The following HECW2 variants were observed in gnomAD, a reference collection of about 807,000 sequenced individuals.
HECW2 encodes HECT, C2 and WW domain containing E3 ubiquitin protein ligase 2, also known as E3 ubiquitin-protein ligase HECW2.
A neutral mutation model predicts 175.2 loss-of-function variants in HECW2; 61 were observed. The observed-to-expected ratio is 0.35, with a 90% confidence interval of 0.28 to 0.43. The LOEUF (loss-of-function observed/expected upper bound fraction) is 0.43. Among genes scored for constraint, HECW2 ranks in the 20% least tolerant of loss-of-function variants. The pLI is 1.00. For synonymous variants in HECW2, 671 were observed against 731.0 expected (o/e 0.92, Z 1.32); for missense variants, 1,524 against 2,000.5 (o/e 0.76, Z 4.54).
intron 1 of HECW2, among the ~76,000 whole-genome samples, chr2:196,549,796 G>T (rs1237582388): frequency 6.6e-6 from 1 of 152,058 alleles, no homozygotes; most frequent in Non-Finnish European, 1.5e-5. Context: ...TAGAAAAACT[G>T]AAAAAGAAAT....
chr2:196,206,101 G>T (rs1437678861), intron 28 of HECW2, among the ~76,000 whole-genome samples: 1 of 152,176 alleles, frequency 6.6e-6, no homozygotes, highest in Admixed American at 6.5e-5. Flanking sequence ...GAAAATAACA[G>T]GAGGGCCCTG....
At chr2:196,532,533 C>T (rs961723653) in intron 1 of HECW2, among the ~76,000 whole-genome samples, 2 of 151,896 alleles carry the variant, frequency 1.3e-5, no homozygotes, top group Non-Finnish European at 2.9e-5. Flanking sequence ...ATGTAGGTGA[C>T]GGGTTGATGG....
intron 17 of HECW2, chr2:196,260,255 G>A (rs1689234241): frequency 2.6e-5 from 4 of 152,184 alleles, no homozygotes; most frequent in Admixed American, 2.6e-4. Flanking sequence ...GAACATATGA[G>A]AGGCAGGCTG....
At chr2:196,520,299 G>C (rs895028581) in intron 1 of HECW2, among the ~76,000 whole-genome samples, 2 of 151,202 alleles carry the variant, frequency 1.3e-5, no homozygotes, top group Non-Finnish European at 2.9e-5. Flanking sequence ...GAGCATGGTA[G>C]ACTGTGCCAT....
chr2:196,388,172 C>T (rs995995195), intron 2 of HECW2, among the ~76,000 whole-genome samples: 1 of 151,990 alleles, frequency 6.6e-6, no homozygotes, highest in Non-Finnish European at 1.5e-5. Context: ...GTGGCATGCA[C>T]CTGTAGTCTC....
chr2:196,490,631 C>T (rs956211911), intron 1 of HECW2, among the ~76,000 whole-genome samples: 2 of 152,170 alleles, frequency 1.3e-5, no homozygotes, highest in African/African-American at 4.8e-5. Context: ...AACATATGTT[C>T]ACCCACATAA....
chr2:196,557,626 A>G (rs1289103909), intron 1 of HECW2, among the ~76,000 whole-genome samples: 1 of 152,222 alleles, frequency 6.6e-6, no homozygotes. Flanking sequence ...AAACACAAAT[A>G]TCTAACAATA....
rs889097250 is a variant in HECW2, at chr2:196,218,788, T to G, written c.4408+1251A>C. Reference sequence around the variant, plus strand: ...ATGTAGCATGTCAGAGAAATTGTGCTCTCAGTAAAAATCGATGGGTTAACA... The same window carrying G: ...ATGTAGCATGTCAGAGAAATTGTGCGCTCAGTAAAAATCGATGGGTTAACA... On this transcript the variant is annotated intron_variant, in intron 26 of 28. Coordinates refer to ENST00000644978, the MANE Select transcript of HECW2 (RefSeq NM_001348768.2). 3.3e-5 allele frequency among the ~76,000 whole-genome samples: 5 copies of G among 152,190 alleles called. No homozygotes were observed. In the South Asian group the frequency reaches 1.0e-3, roughly 32 times the overall value.
At chr2:196,511,480 T>C (rs542831054) in intron 1 of HECW2, among the ~76,000 whole-genome samples, 2 of 152,328 alleles carry the variant, frequency 1.3e-5, no homozygotes, top group South Asian at 2.1e-4. Context: ...CCGACAAATA[T>C]GTGAGCACCT....
chr2:196,329,041 A>G (rs1289195153), intron 5 of HECW2, among the ~76,000 whole-genome samples: 1 of 152,152 alleles, frequency 6.6e-6, no homozygotes, highest in Non-Finnish European at 1.5e-5. Context: ...AATCAAACTT[A>G]CAAACTGGAA....
intron 2 of HECW2, among the ~76,000 whole-genome samples, chr2:196,356,622 T>G (rs1319064142): frequency 2.0e-5 from 3 of 152,196 alleles, no homozygotes. Flanking sequence ...TTTGTCATCT[T>G]GCATCATCAC....
At position 196,461,563 on chromosome 2, in the gene HECW2, AG is replaced by A. The variant is rs993651575; in HGVS notation, c.-35-28106del. ...TTAGTCCATTTTTACACTGCTATCA[AG>A]AACTGCCCAAGACTGGGTAATTTAT... On this transcript the variant is annotated intron_variant, in intron 1 of 28. Transcript: ENST00000644978. Among the ~76,000 whole-genome samples, 124 of 152,218 alleles carry A rather than the reference AG, an allele frequency of 8.1e-4. 1 individual carries two copies. Among genetic ancestry groups the A allele is most frequent in the Non-Finnish European group, 1.9e-4 (13 of 68,038 alleles).
chr2:196,342,399 C>T (rs1475121330), intron 3 of HECW2, among the ~76,000 whole-genome samples: 45 of 144,234 alleles, frequency 3.1e-4, no homozygotes, highest in Non-Finnish European at 2.7e-4. Context: ...AGCTAAACTC[C>T]GTTTCAAGAA....
At chr2:196,230,905 C>T (rs1363694873) in intron 21 of HECW2, among the ~76,000 whole-genome samples, 1 of 151,886 alleles carries the variant, frequency 6.6e-6, no homozygotes, top group Admixed American at 6.6e-5. Context: ...AGATTGAGAC[C>T]ATCCTGGCCA....
intron 2 of HECW2, among the ~76,000 whole-genome samples, chr2:196,419,017 A>G (rs1301977049): frequency 6.6e-6 from 1 of 152,220 alleles, no homozygotes; most frequent in Admixed American, 6.5e-5. Flanking sequence ...CTAGCTTAAA[A>G]CCAACTCTCG....
intron 2 of HECW2, among the ~76,000 whole-genome samples, chr2:196,346,673 T>C (rs1370380678): frequency 6.6e-6 from 1 of 152,146 alleles, no homozygotes; most frequent in Admixed American, 6.5e-5. Context: ...AACTCTGCCT[T>C]AGTTCCCCTG....
chr2:196,436,281 G>A (rs973805126), intron 1 of HECW2, among the ~76,000 whole-genome samples: 1 of 151,654 alleles, frequency 6.6e-6, no homozygotes, highest in Non-Finnish European at 1.5e-5. Flanking sequence ...GGTGCCTGTA[G>A]TCCCAGCTAC....
intron 1 of HECW2, among the ~76,000 whole-genome samples, chr2:196,508,579 G>C (rs1269651173): frequency 7.2e-5 from 11 of 152,122 alleles, no homozygotes; most frequent in Admixed American, 7.2e-4. Context: ...ACAGTATTTT[G>C]GTTCTTTAGC....
chr2:196,433,179 A>T lies in HECW2; in HGVS notation c.245T>A (p.Ile82Asn). 6.2e-7 allele frequency: 1 copy of T among 1,614,098 alleles called. No individual in the cohort carries two copies. Among genetic ancestry groups the T allele is most frequent in the Non-Finnish European group, 8.5e-7 (1 of 1,179,954 alleles). Residue 82 changes from isoleucine to asparagine, a missense_variant, in exon 2 of 29, where the codon ATT (isoleucine) becomes AAT (asparagine). By Grantham distance (149) the Ile-to-Asn change is moderately radical (BLOSUM62 -3). Transcript: ENST00000644978. ...ATCACTGGGGTCCACCTCCTCTTTA[A>T]TGTCCCAGAAGATAATGAGGTTCTG... ...QAQNLIIFWD[I>N]KEEVDPSDWI... is the part of the protein sequence containing the mutation.
Sources: allele counts gnomAD v4.1 joint callset (sites outside exome capture counted in the v4.1 genomes callset), GRCh38; gene constraint gnomAD v4.1.1; transcripts MANE v1.5; gene names NCBI Gene and HGNC (gene_info 2026-07-23, HGNC 2026-07-21).